The following GDA variants were observed in gnomAD, a reference collection of about 807,000 sequenced individuals.
The protein encoded by GDA is cytoplasmic PSD-95 interactor.
In GDA, 18 loss-of-function variants were observed where a neutral mutation model predicts 59.6. That is an observed-to-expected ratio of 0.30 (90% CI 0.21 to 0.45). The LOEUF (loss-of-function observed/expected upper bound fraction) is 0.45. Ranked by LOEUF, GDA falls within the 20% of genes least tolerant of loss-of-function variation. The probability of loss-of-function intolerance (pLI) is 1.00; values close to 1 mark genes in which losing one functional copy is unlikely to be tolerated. For synonymous variants in GDA, 201 were observed against 201.1 expected (o/e 1.00, Z 0.00); for missense variants, 427 against 552.3 (o/e 0.77, Z 2.27).
At chr9:72,191,256 T>C (rs1832503496) in intron 1 of GDA, among the ~76,000 whole-genome samples, 1 of 152,206 alleles carries the variant, frequency 6.6e-6, no homozygotes, top group Non-Finnish European at 1.5e-5. Flanking sequence ...TTCCATCTAC[T>C]GTGCTGCGTG....
Position 72,233,354 on chromosome 9 carries a change from T to C in GDA, c.988+2173T>C, listed in dbSNP as rs140311168. ...AACAAATATCTGAAAATGATCTGCT[T>C]TAGGATCCAGAAGAAAATTTCAGAA... On this transcript the variant is annotated intron_variant, in intron 10 of 13. Transcript: ENST00000358399. 3.5e-4 allele frequency among the ~76,000 whole-genome samples: 53 copies of C among 152,248 alleles called. 2 individuals are homozygous for C. The East Asian group carries it at 9.6e-3, about 28-fold the overall frequency.
Position 72,248,455 on chromosome 9 carries a change from C to A in GDA, c.*113C>A. ...AGTACCTTGTTCTTGGGATGACTAT[C>A]CCTTTCTGTGTCTAGTTACAGTATT... On this transcript the variant is annotated 3_prime_UTR_variant, in exon 14 of 14. Coordinates refer to ENST00000358399, the MANE Select transcript of GDA (RefSeq NM_004293.5). The A allele has an allele frequency of 3.3e-6, 5 of 1,537,278 alleles. No individual in the cohort carries two copies. The highest frequency in any genetic ancestry group is 1.2e-5 in the South Asian group (1 of 80,308).
chr9:72,188,879 A>G lies in GDA; in HGVS notation c.124-6621A>G, dbSNP rs1462409938. 2.0e-5 allele frequency among the ~76,000 whole-genome samples: 3 copies of G among 152,164 alleles called. No individual in the cohort carries two copies. The East Asian group carries it at 5.8e-4, about 29-fold the overall frequency. ...AGCCATAGGAGTGGGGCTGCCGAAG[A>G]CCTGTGTGCCCAGGATGCAGAAAAT... On this transcript the variant is annotated intron_variant, in intron 1 of 13. Coordinates refer to ENST00000358399, the MANE Select transcript of GDA (RefSeq NM_004293.5).
At chr9:72,150,491 T>G (rs750520004) in intron 1 of GDA, among the ~76,000 whole-genome samples, 5 of 152,232 alleles carry the variant, frequency 3.3e-5, no homozygotes, top group Non-Finnish European at 5.9e-5. Flanking sequence ...GTCTACTATT[T>G]ACTGTTCCAT....
At chr9:72,133,308 A>AAAAAAATAAT (rs767205305) in intron 1 of GDA, among the ~76,000 whole-genome samples, 2 of 101,556 alleles carry the variant, frequency 2.0e-5, no homozygotes, top group Non-Finnish European at 4.2e-5. Context: ...AAAAAAAAAA[A>AAAAAAATAAT]AATAATAATA....
chr9:72,135,617 C>T (rs1001995915), intron 1 of GDA, among the ~76,000 whole-genome samples: 2 of 152,064 alleles, frequency 1.3e-5, no homozygotes, highest in African/African-American at 2.4e-5. Flanking sequence ...TTTCTGTCCT[C>T]GATCAAGCTC....
At chr9:72,252,302 T>C (rs550887732), downstream of GDA, 5 of 152,672 alleles carry the variant, frequency 3.3e-5, no homozygotes, top group South Asian at 8.3e-4. Flanking sequence ...GATTTTACAA[T>C]GTTTTTCTTC....
chr9:72,248,201 C>T (rs985251268), intron 13 of GDA, 71 bp from the exon 14 acceptor site: 1 of 1,032,460 alleles, frequency 9.7e-7, no homozygotes, highest in African/African-American at 1.6e-5. Flanking sequence ...AAAAAAATCT[C>T]TCCCAATGGC....
chr9:72,135,922 A>G (rs887815657), intron 1 of GDA, among the ~76,000 whole-genome samples: 4 of 151,962 alleles, frequency 2.6e-5, no homozygotes, highest in African/African-American at 4.8e-5. Flanking sequence ...GCTTGATTCT[A>G]TGACCATAGT....
In GDA at chr9:72,225,724, A is replaced by G. The variant is rs771802536; in HGVS notation, c.762A>G (p.Leu254=). The change falls in exon 8 of 14, where the codon TTA becomes TTG. Residue 254 remains leucine, a synonymous_variant. Transcript: ENST00000358399. ...NRDEVEAVKN[L]YPSYKNYTSV... is the part of the protein sequence containing the mutation. ...ATGAAGTTGAAGCTGTGAAAAACTT[A>G]TACCCCAGTTATAAAAACTACACAT... 5.8e-6 allele frequency: 9 copies of G among 1,559,054 alleles called. 1 individual carries two copies. The highest frequency in any genetic ancestry group is 3.4e-5 in the South Asian group (3 of 87,780).
At chr9:72,147,639 T>G (rs1472691726), upstream of GDA, among the ~76,000 whole-genome samples, 1 of 152,006 alleles carries the variant, frequency 6.6e-6, no homozygotes, top group Non-Finnish European at 1.5e-5. Flanking sequence ...GACATTTAGG[T>G]TTTCATTAAA....
rs190131342 is a variant in GDA, at chr9:72,192,640, G to A, written c.124-2860G>A. Among the ~76,000 whole-genome samples the A allele has an allele frequency of 1.8e-3, 275 of 151,374 alleles. 1 individual carries two copies. The highest frequency in any genetic ancestry group is 6.5e-3 in the African/African-American group (268 of 41,256). ...CTCACACCTGTAATCCCAGCACTTT[G>A]GGAAGCCAAGGCAGGCAGATCACTA... On this transcript the variant is annotated intron_variant, in intron 1 of 13. Coordinates refer to ENST00000358399, the MANE Select transcript of GDA (RefSeq NM_004293.5).
chr9:72,258,705 G>A (rs1326981386), downstream of GDA, among the ~76,000 whole-genome samples: 1 of 152,202 alleles, frequency 6.6e-6, no homozygotes, highest in African/African-American at 2.4e-5. Flanking sequence ...AAACACAAAC[G>A]GGTGGAGGAC....
At chr9:72,236,197 C>T (rs1446160110) in intron 10 of GDA, among the ~76,000 whole-genome samples, 2 of 152,174 alleles carry the variant, frequency 1.3e-5, no homozygotes, top group African/African-American at 4.8e-5. Flanking sequence ...AAGCTCCACC[C>T]TTGATTATCT....
intron 1 of GDA, among the ~76,000 whole-genome samples, chr9:72,162,690 C>T (rs1193353038): frequency 6.6e-6 from 1 of 151,372 alleles, no homozygotes; most frequent in Non-Finnish European, 1.5e-5. Context: ...CAGAATCTTG[C>T]TCTGTTGCCC....
At chr9:72,141,877 A>C (rs1034584924) in intron 1 of GDA, among the ~76,000 whole-genome samples, 2 of 152,220 alleles carry the variant, frequency 1.3e-5, no homozygotes, top group Admixed American at 6.5e-5. Context: ...AGATTCTTCT[A>C]TCTCAAAGCA....
chr9:72,202,509 TA>T, intron 2 of GDA, 61 bp from the exon 3 acceptor site: 1 of 1,157,214 alleles, frequency 8.6e-7, no homozygotes. Context: ...AAATGTGATT[TA>T]AAAATATGGG....
At chr9:72,221,608 A>T (rs1408784667) in intron 6 of GDA, among the ~76,000 whole-genome samples, 1 of 152,224 alleles carries the variant, frequency 6.6e-6, no homozygotes, top group African/African-American at 2.4e-5. Flanking sequence ...TGTTTACACA[A>T]GTAAATGTGT....
intron 2 of GDA, 28 bp downstream of exon 2, chr9:72,195,616 G>T: frequency 2.0e-6 from 2 of 994,256 alleles, no homozygotes; most frequent in South Asian, 1.6e-5. Flanking sequence ...CCCTTTTACT[G>T]GGTGCCACTA....
Sources: allele counts gnomAD v4.1 joint callset (sites outside exome capture counted in the v4.1 genomes callset), GRCh38; gene constraint gnomAD v4.1.1; transcripts MANE v1.5; gene names NCBI Gene and HGNC (gene_info 2026-07-23, HGNC 2026-07-21).